RYR2: variants seen among roughly 807,000 people sequenced by gnomAD.
RYR2 encodes the protein cardiac muscle ryanodine receptor-calcium release channel.
In RYR2, 227 loss-of-function variants were observed where a neutral mutation model predicts 601.1. The ratio of observed to expected loss-of-function variants is 0.38; its 90% CI spans 0.34 to 0.42. The LOEUF (loss-of-function observed/expected upper bound fraction) is 0.42, where lower values mean the gene tolerates loss of function less well. Ranked by LOEUF, RYR2 falls within the 10% of genes least tolerant of loss-of-function variation. The pLI, the probability that RYR2 is intolerant of heterozygous loss-of-function variation, is 1.00. For synonymous variants in RYR2, 2,223 were observed against 2,175.1 expected (o/e 1.02, Z -0.61); for missense variants, 4,646 against 6,156.5 (o/e 0.75, Z 8.21).
chr1:237,749,376 C>G (rs1692348587), intron 80 of RYR2, among the ~76,000 whole-genome samples: 1 of 151,982 alleles, frequency 6.6e-6, no homozygotes, highest in Non-Finnish European at 1.5e-5. Flanking sequence ...CTAAATTAGT[C>G]AATATATATA....
At chr1:237,665,806 G>C (rs1444686055) in intron 56 of RYR2, among the ~76,000 whole-genome samples, 1 of 152,012 alleles carries the variant, frequency 6.6e-6, no homozygotes, top group Non-Finnish European at 1.5e-5. Context: ...TGCTTTTTGG[G>C]CATTTTTAAT....
chr1:237,660,993 T>G, intron 56 of RYR2, 46 bp downstream of exon 56: 1 of 1,267,800 alleles, frequency 7.9e-7, no homozygotes, highest in Non-Finnish European at 1.0e-6. Context: ...TGTTATGGAT[T>G]AAATAATTTT....
At chr1:237,492,865 A>G (rs1663544983) in intron 18 of RYR2, 89 bp from the exon 19 acceptor site, 6 of 1,313,556 alleles carry the variant, frequency 4.6e-6, no homozygotes, top group Non-Finnish European at 6.0e-6. Flanking sequence ...GGAAGGAAGG[A>G]AGGAAGAAGG....
intron 27 of RYR2, among the ~76,000 whole-genome samples, chr1:237,551,672 A>G (rs1670420581): frequency 6.6e-6 from 1 of 152,204 alleles, no homozygotes; most frequent in African/African-American, 2.4e-5. Context: ...CACAGGGCCT[A>G]TAATTTTTGA....
intron 100 of RYR2, among the ~76,000 whole-genome samples, chr1:237,814,446 T>A (rs1330798278): frequency 1.3e-5 from 2 of 152,162 alleles, no homozygotes; most frequent in African/African-American, 4.8e-5. Context: ...TTTCTGTGGC[T>A]CTGAGAGAAC....
At chr1:237,477,159 G>A (rs1019608034) in intron 17 of RYR2, among the ~76,000 whole-genome samples, 3 of 152,176 alleles carry the variant, frequency 2.0e-5, no homozygotes, top group Non-Finnish European at 2.9e-5. Flanking sequence ...TTGGGAGGCC[G>A]AGGCAGGCGG....
At chr1:237,342,551 C>T (rs1697916762) in intron 3 of RYR2, among the ~76,000 whole-genome samples, 1 of 152,086 alleles carries the variant, frequency 6.6e-6, no homozygotes, top group Admixed American at 6.6e-5. Context: ...CAAAGACCAG[C>T]AGGATCTACA....
At chr1:237,464,923 G>GTGC (rs1558864584) in intron 16 of RYR2, among the ~76,000 whole-genome samples, 1 of 152,118 alleles carries the variant, frequency 6.6e-6, no homozygotes, top group Admixed American at 6.5e-5. Context: ...GTTATAAAGA[G>GTGC]TGCTGTGATG....
chr1:237,350,586 A>T (rs1160482289), intron 3 of RYR2, among the ~76,000 whole-genome samples: 21 of 93,656 alleles, frequency 2.2e-4, no homozygotes, highest in African/African-American at 9.4e-4. Flanking sequence ...AAAAAAAAAA[A>T]AAAAAAAAAA....
intron 48 of RYR2, among the ~76,000 whole-genome samples, chr1:237,647,560 A>G (rs939476304): frequency 1.3e-5 from 2 of 152,216 alleles, no homozygotes; most frequent in East Asian, 1.9e-4. Context: ...TTCATTGACT[A>G]TACGTGGAAA....
At chr1:237,155,605 C>T (rs1250357213) in intron 1 of RYR2, among the ~76,000 whole-genome samples, 82 of 152,044 alleles carry the variant, frequency 5.4e-4, no homozygotes, top group Non-Finnish European at 2.5e-4. Flanking sequence ...TAAACTTTCA[C>T]GAAATAATGT....
intron 1 of RYR2, among the ~76,000 whole-genome samples, chr1:237,192,361 C>T (rs950749025): frequency 6.6e-6 from 1 of 151,994 alleles, no homozygotes; most frequent in African/African-American, 2.4e-5. Context: ...GGCACTCGCC[C>T]ACCACGCCCG....
chr1:237,804,757 A>T (rs1660418264), intron 98 of RYR2, among the ~76,000 whole-genome samples: 1 of 152,184 alleles, frequency 6.6e-6, no homozygotes, highest in African/African-American at 2.4e-5. Flanking sequence ...GTAAAGTGAG[A>T]TGCTTGGTTA....
At chr1:237,802,878 CTCT>C (rs1197723976) in intron 98 of RYR2, among the ~76,000 whole-genome samples, 1 of 152,152 alleles carries the variant, frequency 6.6e-6, no homozygotes, top group Non-Finnish European at 1.5e-5. Context: ...TTTTTTTGTC[CTCT>C]TGATAACTTG....
intron 2 of RYR2, among the ~76,000 whole-genome samples, chr1:237,327,714 A>C (rs1364876555): frequency 1.3e-5 from 2 of 152,222 alleles, no homozygotes; most frequent in Non-Finnish European, 2.9e-5. Flanking sequence ...ATGCAAAACT[A>C]ATGATAATAG....
intron 101 of RYR2, among the ~76,000 whole-genome samples, chr1:237,820,795 A>C (rs1029228902): frequency 6.6e-6 from 1 of 152,050 alleles, no homozygotes; most frequent in African/African-American, 2.4e-5. Context: ...CGCTGCCAGC[A>C]CAGCGGTCTG....
At position 237,819,273 on chromosome 1, in the gene RYR2, A is replaced by T; in HGVS notation, c.14590+81A>T. The T allele has an allele frequency of 7.4e-7, 1 of 1,343,716 alleles. No homozygotes were observed. The highest frequency in any genetic ancestry group is 1.0e-6 in the Non-Finnish European group (1 of 957,028). The allele number at this position is 1,343,716 out of a possible 1,614,324, so 83.2% of individuals were successfully genotyped here. Reference sequence around the variant, plus strand: ...CTGAAGTTAATATTCAAGGTAGGGTAATGACGTCAAGTGTTTCCTGGCAAA... The same window carrying T: ...CTGAAGTTAATATTCAAGGTAGGGTTATGACGTCAAGTGTTTCCTGGCAAA... On this transcript the variant is annotated intron_variant, in intron 101 of 104. Transcript: ENST00000366574. This position sits in a 1 kb window ranked among gnomAD's most constrained non-coding sequence, Gnocchi z 4.0.
intron 101 of RYR2, among the ~76,000 whole-genome samples, chr1:237,821,379 C>A (rs1332490549): frequency 2.0e-5 from 3 of 152,150 alleles, no homozygotes; most frequent in Non-Finnish European, 4.4e-5. Context: ...GATACCCAGG[C>A]AAACAGGGTC....
At chr1:237,251,141 CATAGTGCCCAAA>C (rs1687426202) in intron 1 of RYR2, among the ~76,000 whole-genome samples, 1 of 151,296 alleles carries the variant, frequency 6.6e-6, no homozygotes, top group Non-Finnish European at 1.5e-5. Flanking sequence ...CTTTCCTTTC[CATAGTGCCCAAA>C]ATAGTGCCTG....
Sources: gnomAD v4.1 joint callset for allele counts (sites outside exome capture counted in the v4.1 genomes callset) on GRCh38, gnomAD v4.1.1 for gene constraint, Gnocchi (gnomAD v3.1) non-coding constraint, MANE v1.5 for transcripts, NCBI Gene and HGNC (gene_info 2026-07-23, HGNC 2026-07-21) for gene names.